Variants in ESRRB observed in about 807,000 individuals in gnomAD.
ESRRB encodes steroid hormone receptor ERR2.
A neutral mutation model predicts 46.0 loss-of-function variants in ESRRB; 16 were observed. The observed-to-expected ratio is 0.35, with a 90% CI of 0.24 to 0.53. The LOEUF (loss-of-function observed/expected upper bound fraction) is 0.53, where lower values mean the gene tolerates loss of function less well. Ranked by LOEUF, ESRRB falls within the 20% of genes least tolerant of loss-of-function variation. The probability of loss-of-function intolerance (pLI) is 0.93; values close to 1 mark genes in which losing one functional copy is unlikely to be tolerated. For missense variants in ESRRB, 488 were observed against 607.4 expected (o/e 0.80, Z 2.07); for synonymous variants, 246 against 259.6 (o/e 0.95, Z 0.50).
chr14:76,357,065 A>G (rs1285517314), intron 1 of ESRRB, among the ~76,000 whole-genome samples: 1 of 152,144 alleles, frequency 6.6e-6, no homozygotes, highest in Non-Finnish European at 1.5e-5. Context: ...GCTATAGCCC[A>G]GCTAATGGAG....
rs1394457595 is a variant in ESRRB at position 76,439,526 on chromosome 14, C to T, written c.236C>T (p.Ser79Leu). Reference sequence around the variant, plus strand: ...GGCACCCACGCCAACGGTCTGGACTCGCCACCCATGTTTGCAGGCGCCGGG... The same window carrying T: ...GGCACCCACGCCAACGGTCTGGACTTGCCACCCATGTTTGCAGGCGCCGGG... Reference protein sequence around the residue: ...ALGTHANGLDSPPMFAGAGLG... With the variant: ...ALGTHANGLDLPPMFAGAGLG... The change falls in exon 2 of 7, where the codon TCG becomes TTG. Residue 79 changes from serine to leucine, a missense_variant. Coordinates refer to ENST00000644823, the MANE Select transcript of ESRRB (RefSeq NM_001379180.1). The T allele has an allele frequency of 6.2e-6, 10 of 1,613,382 alleles. No homozygotes were observed. The highest frequency in any genetic ancestry group is 3.3e-5 in the Admixed American group (2 of 60,000).
intron 3 of ESRRB, among the ~76,000 whole-genome samples, chr14:76,469,693 A>T (rs1041505951): frequency 1.6e-4 from 24 of 152,296 alleles, no homozygotes; most frequent in East Asian, 7.7e-4. Context: ...AATTAAATTT[A>T]AAAAAATCCA....
At chr14:76,361,782 C>T (rs1282948668) in intron 1 of ESRRB, among the ~76,000 whole-genome samples, 3 of 152,298 alleles carry the variant, frequency 2.0e-5, no homozygotes, top group African/African-American at 4.8e-5. Context: ...CTCTATGGCT[C>T]GCCATGATGG....
intron 1 of ESRRB, among the ~76,000 whole-genome samples, chr14:76,340,283 G>T (rs562280675): frequency 6.6e-6 from 1 of 152,358 alleles, no homozygotes; most frequent in South Asian, 2.1e-4. Flanking sequence ...GAAAGTGGCT[G>T]GGTCAGGAGA....
upstream of ESRRB, among the ~76,000 whole-genome samples, chr14:76,371,096 T>TGCTA (rs1244633761): frequency 6.6e-6 from 1 of 152,216 alleles, no homozygotes; most frequent in East Asian, 1.9e-4. Context: ...GTGGCAGCAG[T>TGCTA]GCTAATAGGA....
At position 76,501,760 on chromosome 14, in the gene ESRRB, C is replaced by T. The variant is rs899216547; in HGVS notation, c.*3302C>T. ...GCCTCTGTATATGTTCTCCCAGAAA[C>T]CCCCATGTAAATCAAATGCCCTAGG... On this transcript the variant is annotated 3_prime_UTR_variant, in exon 7 of 7. Coordinates refer to ENST00000644823, the MANE Select transcript of ESRRB (RefSeq NM_001379180.1). The T allele has an allele frequency of 6.6e-6, 1 of 152,122 alleles. No individual in the cohort carries two copies. Among genetic ancestry groups the T allele is most frequent in the Admixed American group, 6.6e-5 (1 of 15,266 alleles). 9.4% of individuals were successfully genotyped at this position (152,122 alleles called of 1,614,324 possible). A position where few individuals can be genotyped will look rare whatever the true frequency, so the allele number is the denominator to read the frequency against.
chr14:76,369,614 GT>G (rs963763489), upstream of ESRRB, among the ~76,000 whole-genome samples: 5 of 151,686 alleles, frequency 3.3e-5, no homozygotes, highest in African/African-American at 9.7e-5. Flanking sequence ...GCATTTGCTG[GT>G]TTTTTTTCTC....
chr14:76,358,618 AAAGAAAAAAT>A (rs1884426920), intron 1 of ESRRB, among the ~76,000 whole-genome samples: 1 of 152,184 alleles, frequency 6.6e-6, no homozygotes, highest in Non-Finnish European at 1.5e-5. Context: ...AAAGTTGACA[AAAGAAAAAAT>A]AAGAAAAAAG....
intron 1 of ESRRB, among the ~76,000 whole-genome samples, chr14:76,339,956 G>A (rs1021291760): frequency 1.3e-5 from 2 of 152,168 alleles, no homozygotes; most frequent in African/African-American, 2.4e-5. Context: ...ACATCCATCC[G>A]GGTGGGATTT....
At chr14:76,448,273 T>G (rs1235047443) in intron 2 of ESRRB, among the ~76,000 whole-genome samples, 2 of 151,694 alleles carry the variant, frequency 1.3e-5, no homozygotes, top group Non-Finnish European at 2.9e-5. Flanking sequence ...ATTTTTTTTG[T>G]CTGATACCCC....
chr14:76,472,313 A>G (rs2140011869), intron 3 of ESRRB, among the ~76,000 whole-genome samples: 1 of 152,312 alleles, frequency 6.6e-6, no homozygotes, highest in South Asian at 2.1e-4. Context: ...TGGCATGGTA[A>G]GAAGTGTCTA....
In ESRRB at chr14:76,376,295, C is replaced by A; in HGVS notation, c.-107C>A. On this transcript the variant is annotated 5_prime_UTR_variant, in exon 1 of 7. Coordinates refer to ENST00000644823, the MANE Select transcript of ESRRB (RefSeq NM_001379180.1). This position sits in a 1 kb window ranked among gnomAD's most constrained non-coding sequence, Gnocchi z 4.1. ...TCCTCCCACTCTGCGTTCTCGCGCT[C>A]ACTGTGCCCTGCCCGGGCTCGCACC... is the stretch of plus-strand genomic sequence containing the variant. The A allele has an allele frequency of 1.1e-6, 1 of 873,688 alleles. No individual in the cohort carries two copies. Among genetic ancestry groups the A allele is most frequent in the South Asian group, 5.9e-5 (1 of 17,046 alleles). 54.1% of individuals were successfully genotyped at this position (873,688 alleles called of 1,614,324 possible).
upstream of ESRRB, among the ~76,000 whole-genome samples, chr14:76,373,285 A>G (rs1034851474): frequency 2.2e-4 from 33 of 152,084 alleles, no homozygotes; most frequent in African/African-American, 7.7e-4. Flanking sequence ...ATAAATCATG[A>G]TTTGTTGACT....
At chr14:76,460,524 C>T (rs972735028) in intron 2 of ESRRB, among the ~76,000 whole-genome samples, 2 of 152,176 alleles carry the variant, frequency 1.3e-5, no homozygotes, top group South Asian at 2.1e-4. Context: ...GATAGGCAAG[C>T]CTCCAGCTCC....
At chr14:76,333,547 C>G (rs1015164291) in intron 1 of ESRRB, among the ~76,000 whole-genome samples, 3 of 143,820 alleles carry the variant, frequency 2.1e-5, no homozygotes, top group Non-Finnish European at 4.5e-5. Flanking sequence ...AGGCTGGTCT[C>G]AAACTCCTGA....
intron 1 of ESRRB, among the ~76,000 whole-genome samples, chr14:76,406,281 G>A (rs1291733211): frequency 6.6e-6 from 1 of 152,146 alleles, no homozygotes; most frequent in Admixed American, 6.5e-5. Flanking sequence ...GGGTCTCTGA[G>A]GGTGGGAGGT....
chr14:76,322,965 C>T (rs1042375247), intron 1 of ESRRB, among the ~76,000 whole-genome samples: 4 of 152,198 alleles, frequency 2.6e-5, no homozygotes, highest in South Asian at 4.1e-4. Context: ...CGTGACCTTC[C>T]GTGGACACAG....
chr14:76,381,801 G>A (rs945002735), intron 1 of ESRRB, among the ~76,000 whole-genome samples: 2 of 152,154 alleles, frequency 1.3e-5, no homozygotes, highest in Non-Finnish European at 2.9e-5. Flanking sequence ...AGGGAGCCTG[G>A]TCATAGGAGA....
chr14:76,352,474 T>A (rs1397269398), intron 1 of ESRRB, among the ~76,000 whole-genome samples: 1 of 152,120 alleles, frequency 6.6e-6, no homozygotes, highest in Non-Finnish European at 1.5e-5. Flanking sequence ...AGTGAGAAAG[T>A]GATCAAGCCT....
Sources: gnomAD v4.1 joint callset for allele counts (sites outside exome capture counted in the v4.1 genomes callset) on GRCh38, gnomAD v4.1.1 for gene constraint, Gnocchi (gnomAD v3.1) non-coding constraint, MANE v1.5 for transcripts, NCBI Gene and HGNC (gene_info 2026-07-23, HGNC 2026-07-21) for gene names.